KIF16B: variants seen among roughly 807,000 people sequenced by gnomAD.
KIF16B encodes the protein kinesin-like protein KIF16B.
In KIF16B, 98 loss-of-function variants were observed where a neutral mutation model predicts 156.3. The ratio of observed to expected loss-of-function variants is 0.63; its 90% CI spans 0.53 to 0.74. The LOEUF (loss-of-function observed/expected upper bound fraction) is 0.74. KIF16B is among the 30% of genes least tolerant of loss of function. The pLI is 0.00. For missense variants in KIF16B, 1,421 were observed against 1,606.5 expected (o/e 0.88, Z 1.97); for synonymous variants, 564 against 583.7 (o/e 0.97, Z 0.49).
chr20:16,288,897 T>TAA (rs2063270893), intron 25 of KIF16B, among the ~76,000 whole-genome samples: 1 of 151,842 alleles, frequency 6.6e-6, no homozygotes, highest in East Asian at 2.0e-4. Flanking sequence ...GTACTGGCGA[T>TAA]GGGTTTATTG....
At chr20:16,488,731 T>G (rs2068197204) in intron 12 of KIF16B, among the ~76,000 whole-genome samples, 1 of 152,188 alleles carries the variant, frequency 6.6e-6, no homozygotes, top group Admixed American at 6.5e-5. Flanking sequence ...TCCATTGATG[T>G]CAAGGCTGGA....
At chr20:16,303,302 C>CTA (rs2063498085) in intron 25 of KIF16B, among the ~76,000 whole-genome samples, 1 of 152,214 alleles carries the variant, frequency 6.6e-6, no homozygotes, top group Non-Finnish European at 1.5e-5. Flanking sequence ...TCTAATGGTT[C>CTA]TATAGTGTAT....
At chr20:16,550,177 A>G (rs2147283553) in intron 1 of KIF16B, among the ~76,000 whole-genome samples, 1 of 128,136 alleles carries the variant, frequency 7.8e-6, no homozygotes, top group Non-Finnish European at 1.6e-5. Context: ...CCCATCAAAA[A>G]GTGGGCGAAG....
chr20:16,324,313 C>G (rs1357222412), intron 24 of KIF16B, among the ~76,000 whole-genome samples: 1 of 151,894 alleles, frequency 6.6e-6, no homozygotes, highest in Non-Finnish European at 1.5e-5. Flanking sequence ...GAGGGAGGTT[C>G]AGACAAAGAG....
At chr20:16,342,309 G>A (rs2064153716) in intron 23 of KIF16B, among the ~76,000 whole-genome samples, 1 of 151,818 alleles carries the variant, frequency 6.6e-6, no homozygotes, top group Admixed American at 6.6e-5. Context: ...GTAGTAACTG[G>A]GGTGGGGTGG....
rs8120700 is a variant in KIF16B, at chr20:16,419,358, G to A, written c.1612+7746C>T. Among the ~76,000 whole-genome samples the A allele has an allele frequency of 2.8e-3, 428 of 152,116 alleles. 2 individuals are homozygous for A. Among genetic ancestry groups the A allele is most frequent in the African/African-American group, 9.6e-3 (397 of 41,522 alleles). ...CACATAAAAGGCCTCCTCTGTTAAC[G>A]GGATACCTTGGCTAAACCACTGGGA... is the stretch of plus-strand genomic sequence containing the variant. On this transcript the variant is annotated intron_variant, in intron 15 of 25. Transcript: ENST00000354981.
At chr20:16,283,849 G>A (rs2063183252) in intron 25 of KIF16B, among the ~76,000 whole-genome samples, 1 of 152,124 alleles carries the variant, frequency 6.6e-6, no homozygotes, top group South Asian at 2.1e-4. Flanking sequence ...ACTCCTTCAG[G>A]TTGTTGGCCA....
In KIF16B at chr20:16,388,143, A is replaced by T. The variant is rs968809784; in HGVS notation, c.1785-6396T>A. ...AAATAAGAGTAACATTTAAAAGACA[A>T]ACAAAAAATGCCGTAAAGATGTTTG... On this transcript the variant is annotated intron_variant, in intron 17 of 25. Coordinates refer to ENST00000354981, the MANE Select transcript of KIF16B (RefSeq NM_024704.5). Among the ~76,000 whole-genome samples, 4 of 152,344 alleles carry T rather than the reference A, an allele frequency of 2.6e-5. No individual in the cohort carries two copies. The East Asian group carries it at 5.8e-4, about 22-fold the overall frequency.
chr20:16,558,897 CAAAA>C (rs11478258), intron 1 of KIF16B, among the ~76,000 whole-genome samples: 1 of 62,060 alleles, frequency 1.6e-5, no homozygotes, highest in Admixed American at 2.4e-4. Context: ...GAGCAAGACT[CAAAA>C]AAAAAAAAAA....
chr20:16,547,606 C>A (rs1038234382), intron 1 of KIF16B, among the ~76,000 whole-genome samples: 1 of 56,256 alleles, frequency 1.8e-5, no homozygotes, highest in African/African-American at 1.3e-4. Context: ...CCCCACCTGC[C>A]TCTGGTCTCA....
chr20:16,455,208 T>C (rs778080851), intron 12 of KIF16B, among the ~76,000 whole-genome samples: 1 of 152,074 alleles, frequency 6.6e-6, no homozygotes, highest in Non-Finnish European at 1.5e-5. Flanking sequence ...TTTTTTAAAA[T>C]ATATTTATAA....
rs1022702233 is a variant in KIF16B, at chr20:16,400,662, T to C, written c.1784+4151A>G. 6.6e-5 allele frequency among the ~76,000 whole-genome samples: 10 copies of C among 152,118 alleles called. 1 individual carries two copies. The highest frequency in any genetic ancestry group is 2.1e-4 in the South Asian group (1 of 4,826). ...AACAAAATGTGGTATATCCGTAAAA[T>C]GGAATATTATTTGGCCACAAAAAGA... On this transcript the variant is annotated intron_variant, in intron 17 of 25. Coordinates refer to ENST00000354981, the MANE Select transcript of KIF16B (RefSeq NM_024704.5).
chr20:16,351,526 CAGCTGAGCGCAG>C (rs549257727), intron 23 of KIF16B, among the ~76,000 whole-genome samples: 150 of 152,324 alleles, frequency 9.8e-4, no homozygotes, highest in African/African-American at 3.4e-3. Context: ...GTGGCAGGTG[CAGCTGAGCGCAG>C]GCACAAATTT....
Position 16,379,913 on chromosome 20 carries a change from G to C in KIF16B, c.2089C>G (p.Gln697Glu). Residue 697 changes from glutamine to glutamate, a missense_variant, in exon 19 of 26, where the codon CAA becomes GAA. Physicochemically the swap from Gln to Glu is conservative, Grantham distance 29. Coordinates refer to ENST00000354981, the MANE Select transcript of KIF16B (RefSeq NM_024704.5). ...ACGCGGAGAAAGGTCTCTTCTTCTT[G>C]TCTCTTCTTCTGCAGCTCGATTTCC... Reference protein sequence around the residue: ...QQEIELQKKRQEEETFLRVQE... With the variant: ...QQEIELQKKREEEETFLRVQE... The C allele has an allele frequency of 6.2e-7, 1 of 1,614,110 alleles. No homozygotes were observed.
intron 3 of KIF16B, among the ~76,000 whole-genome samples, chr20:16,521,581 G>C (rs927413521): frequency 2.0e-5 from 3 of 152,166 alleles, no homozygotes; most frequent in Non-Finnish European, 4.4e-5. Flanking sequence ...ATGGAACCAA[G>C]TTGGAAAACA....
At chr20:16,536,543 T>C (rs1294405963) in intron 1 of KIF16B, among the ~76,000 whole-genome samples, 2 of 152,202 alleles carry the variant, frequency 1.3e-5, no homozygotes, top group African/African-American at 4.8e-5. Context: ...ATATCCCAAA[T>C]ACTTTATTAC....
At chr20:16,513,659 TAAA>T (rs10713040) in intron 4 of KIF16B, among the ~76,000 whole-genome samples, 1,550 of 112,698 alleles carry the variant, frequency 0.014, 9 homozygotes, top group Middle Eastern at 0.071. Flanking sequence ...AAACTACGTT[TAAA>T]AAAAAAAAAA....
intron 1 of KIF16B, among the ~76,000 whole-genome samples, chr20:16,550,939 T>A (rs1037436930): frequency 6.6e-6 from 1 of 152,160 alleles, no homozygotes; most frequent in Admixed American, 6.5e-5. Context: ...ATATTTTACA[T>A]GAGAGCCTGG....
chr20:16,463,255 T>A (rs1489636675), intron 12 of KIF16B, among the ~76,000 whole-genome samples: 1 of 152,196 alleles, frequency 6.6e-6, no homozygotes, highest in Non-Finnish European at 1.5e-5. Context: ...CGTCCTTGAT[T>A]TCCTTGATGT....
Sources: gnomAD v4.1 joint callset for allele counts (sites outside exome capture counted in the v4.1 genomes callset) on GRCh38, gnomAD v4.1.1 for gene constraint, MANE v1.5 for transcripts, NCBI Gene and HGNC (gene_info 2026-07-23, HGNC 2026-07-21) for gene names.